Variants in CNBD1 observed in about 807,000 individuals in gnomAD.
CNBD1 encodes cyclic nucleotide-binding domain-containing protein 1.
In CNBD1, 71 loss-of-function variants were observed where a neutral mutation model predicts 54.4. The observed-to-expected ratio is 1.30, with a 90% CI of 1.08 to 1.59. The LOEUF is 1.59. CNBD1 is among the 40% of genes most tolerant of loss of function. CNBD1 has a pLI of 0.00. For synonymous variants in CNBD1, 182 were observed against 170.7 expected, an observed-to-expected ratio of 1.07 and a Z score of -0.51; for missense variants, 659 against 518.0, an observed-to-expected ratio of 1.27 and a Z score of -2.64.
At position 87,186,560 on chromosome 8, in the gene CNBD1, G is replaced by A. The variant is rs1278309285; in HGVS notation, c.432-19433G>A. On this transcript the variant is annotated intron_variant, in intron 4 of 10. Transcript: ENST00000518476. ...AAATAAATGAGAGAATTCTTCTAAAGACAGTTGTATACACTGCTGGGAGAA... is the reference window on the plus strand; with the variant it reads ...AAATAAATGAGAGAATTCTTCTAAAAACAGTTGTATACACTGCTGGGAGAA... Among the ~76,000 whole-genome samples the A allele has an allele frequency of 3.9e-5, 6 of 152,058 alleles. No homozygotes were observed. In the East Asian group the frequency reaches 1.2e-3, roughly 29 times the overall value.
chr8:87,021,745 T>C (rs1312550888), intron 4 of CNBD1, among the ~76,000 whole-genome samples: 1 of 152,046 alleles, frequency 6.6e-6, no homozygotes, highest in African/African-American at 2.4e-5. Flanking sequence ...CTGCCCAAAA[T>C]GTCAGTTATG....
chr8:87,313,436 T>C lies in CNBD1; in HGVS notation c.1042+26765T>C, dbSNP rs185417442. On this transcript the variant is annotated intron_variant, in intron 8 of 10. Coordinates refer to ENST00000518476, the MANE Select transcript of CNBD1 (RefSeq NM_173538.3). ...ACTCAAGAAGTACTGTGGTCTCATA[T>C]TTATTCATGCCATTTCTCAAATATT... 1.6e-4 allele frequency among the ~76,000 whole-genome samples: 24 copies of C among 152,162 alleles called. 1 individual carries two copies. The highest frequency in any genetic ancestry group is 1.4e-3 in the Admixed American group (21 of 15,246).
Position 87,389,951 on chromosome 8 carries a change from A to T in CNBD1, c.213+36165A>T, listed in dbSNP as rs188133902. Among the ~76,000 whole-genome samples, 145 of 152,278 alleles carry T rather than the reference A, an allele frequency of 9.5e-4. 1 individual carries two copies. Among genetic ancestry groups the T allele is most frequent in the Admixed American group, 4.0e-3 (61 of 15,286 alleles). ...CCCTCAGAAATAATGCCACATATCT[A>T]CAACAATCTGATCTTTGACAAACCT... On this transcript the variant is annotated intron_variant, in intron 2 of 7. Coordinates refer to the CNBD1 transcript ENST00000521593.
intron 8 of CNBD1, among the ~76,000 whole-genome samples, chr8:87,322,049 C>T (rs1293510609): frequency 4.5e-5 from 6 of 134,704 alleles, no homozygotes; most frequent in East Asian, 2.1e-4. Context: ...TGAGAATATG[C>T]GGTGTTTGGT....
At chr8:87,291,120 A>G (rs781437693) in intron 8 of CNBD1, among the ~76,000 whole-genome samples, 36 of 152,198 alleles carry the variant, frequency 2.4e-4, no homozygotes, top group Non-Finnish European at 5.1e-4. Context: ...TTCAGGTAAA[A>G]TGCAAAATCT....
chr8:86,971,380 C>G (rs1563842601), intron 4 of CNBD1, among the ~76,000 whole-genome samples: 2 of 152,108 alleles, frequency 1.3e-5, no homozygotes, highest in Non-Finnish European at 2.9e-5. Flanking sequence ...CCAGGTACCT[C>G]AACAAATGGG....
At chr8:87,301,618 A>C (rs1012450093) in intron 8 of CNBD1, among the ~76,000 whole-genome samples, 2 of 152,056 alleles carry the variant, frequency 1.3e-5, no homozygotes, top group Non-Finnish European at 2.9e-5. Flanking sequence ...CATAAACAGA[A>C]TTAAAAACAA....
intron 4 of CNBD1, among the ~76,000 whole-genome samples, chr8:86,958,346 T>A (rs1015110450): frequency 2.6e-5 from 4 of 152,204 alleles, no homozygotes; most frequent in African/African-American, 4.8e-5. Flanking sequence ...GTCTATTAGG[T>A]CCTCATTGCA....
chr8:87,334,789 T>A (rs188305814), intron 8 of CNBD1, among the ~76,000 whole-genome samples: 54 of 150,546 alleles, frequency 3.6e-4, no homozygotes, highest in Middle Eastern at 3.4e-3. Flanking sequence ...AGTGGCGCAA[T>A]CTCAGCTCAC....
chr8:87,369,594 G>T (rs1326858685), intron 10 of CNBD1, among the ~76,000 whole-genome samples: 1 of 151,902 alleles, frequency 6.6e-6, no homozygotes, highest in East Asian at 1.9e-4. Flanking sequence ...TTGGCTGATA[G>T]TCTTTTTCTT....
intron 6 of CNBD1, 107 bp from the exon 7 acceptor site, chr8:87,284,571 C>A: frequency 2.1e-6 from 2 of 947,638 alleles, no homozygotes; most frequent in Non-Finnish European, 3.0e-6. Context: ...CAGTTTAGAA[C>A]CCCCTCTTTC....
intron 8 of CNBD1, among the ~76,000 whole-genome samples, chr8:87,311,915 G>T (rs77598236): frequency 6.6e-6 from 1 of 151,956 alleles, no homozygotes. Flanking sequence ...GGACATAAAG[G>T]TGCCAACTGT....
chr8:87,062,035 C>T (rs1475442064), intron 4 of CNBD1, among the ~76,000 whole-genome samples: 2 of 152,170 alleles, frequency 1.3e-5, no homozygotes, highest in African/African-American at 4.8e-5. Flanking sequence ...TGACATTAAG[C>T]CTGTGACACC....
chr8:87,303,357 G>C (rs1809057850), intron 8 of CNBD1, among the ~76,000 whole-genome samples: 1 of 151,888 alleles, frequency 6.6e-6, no homozygotes. Flanking sequence ...TCTGATCTTT[G>C]ACAAATCTGA....
chr8:87,259,227 C>G (rs577989427), intron 6 of CNBD1, among the ~76,000 whole-genome samples: 1 of 152,134 alleles, frequency 6.6e-6, no homozygotes, highest in Non-Finnish European at 1.5e-5. Context: ...TTTTAAACAA[C>G]CCGTCACTTT....
intron 10 of CNBD1, among the ~76,000 whole-genome samples, chr8:87,370,590 TA>T (rs1243410639): frequency 6.6e-6 from 1 of 152,148 alleles, no homozygotes; most frequent in Non-Finnish European, 1.5e-5. Context: ...TTTTTTCTTG[TA>T]AATTTGTTTA....
chr8:87,013,090 G>A (rs1809259053), intron 4 of CNBD1, among the ~76,000 whole-genome samples: 2 of 152,190 alleles, frequency 1.3e-5, no homozygotes, highest in African/African-American at 4.8e-5. Flanking sequence ...AGACCCCAAA[G>A]GAGTTGACTG....
intron 3 of CNBD1, among the ~76,000 whole-genome samples, chr8:86,914,658 G>A (rs1306449171): frequency 6.6e-6 from 1 of 152,070 alleles, no homozygotes; most frequent in Non-Finnish European, 1.5e-5. Context: ...AATATTAAGT[G>A]AAGAAGTTTC....
intron 6 of CNBD1, among the ~76,000 whole-genome samples, chr8:87,245,252 T>G (rs1807780402): frequency 6.6e-6 from 1 of 151,984 alleles, no homozygotes; most frequent in South Asian, 2.1e-4. Context: ...AAACATAAAT[T>G]AGAGAAAAAG....
Sources: gnomAD v4.1 joint callset for allele counts (sites outside exome capture counted in the v4.1 genomes callset) on GRCh38, gnomAD v4.1.1 for gene constraint, MANE v1.5 for transcripts, NCBI Gene and HGNC (gene_info 2026-07-23, HGNC 2026-07-21) for gene names.